NECAB1: variants seen among roughly 807,000 people sequenced by gnomAD.
NECAB1 encodes N-terminal EF-hand calcium-binding protein 1.
A neutral mutation model predicts 57.5 loss-of-function variants in NECAB1; 29 were observed. That is an observed-to-expected ratio of 0.50 (90% confidence interval 0.38 to 0.69). NECAB1 has a LOEUF of 0.69. NECAB1 is among the 30% of genes least tolerant of loss of function. NECAB1 has a pLI of 0.00. For missense variants in NECAB1, 372 were observed against 413.8 expected, an observed-to-expected ratio of 0.90 and a Z score of 0.88; for synonymous variants, 142 against 147.7, an observed-to-expected ratio of 0.96 and a Z score of 0.28.
intron 3 of NECAB1, among the ~76,000 whole-genome samples, chr8:90,853,895 G>C (rs1216603416): frequency 6.6e-6 from 1 of 151,246 alleles, no homozygotes; most frequent in Non-Finnish European, 1.5e-5. Context: ...TTATGTAGTG[G>C]GTAAGGAATG....
At chr8:90,822,877 T>A (rs79041309) in intron 2 of NECAB1, among the ~76,000 whole-genome samples, 8 of 149,440 alleles carry the variant, frequency 5.4e-5, no homozygotes, top group African/African-American at 1.8e-4. Context: ...TTTTTTTTTT[T>A]AAACAGTACA....
intron 6 of NECAB1, 42 bp downstream of exon 6, chr8:90,917,670 A>T (rs773444487): frequency 1.0e-5 from 16 of 1,530,588 alleles, no homozygotes; most frequent in African/African-American, 1.4e-5. Context: ...TAGTGACTCT[A>T]TGTTCATGAA....
intron 10 of NECAB1, among the ~76,000 whole-genome samples, chr8:90,944,120 G>T (rs982336037): frequency 6.6e-6 from 1 of 151,998 alleles, no homozygotes; most frequent in African/African-American, 2.4e-5. Context: ...GCTCAGATGG[G>T]TTAAAAAAAA....
chr8:90,815,533 C>T (rs922017216), intron 2 of NECAB1, among the ~76,000 whole-genome samples: 3 of 151,894 alleles, frequency 2.0e-5, no homozygotes, highest in Admixed American at 2.0e-4. Flanking sequence ...GTCCTCTGTT[C>T]TTGTCCTATT....
intron 1 of NECAB1, among the ~76,000 whole-genome samples, chr8:90,797,164 C>CTA (rs369837475): frequency 2.2e-3 from 328 of 152,294 alleles, no homozygotes; most frequent in African/African-American, 7.5e-3. Flanking sequence ...GCAATTAACT[C>CTA]TGGAGGAAAA....
intron 3 of NECAB1, among the ~76,000 whole-genome samples, chr8:90,869,222 T>C (rs560880817): frequency 2.0e-5 from 3 of 152,302 alleles, no homozygotes; most frequent in African/African-American, 7.2e-5. Context: ...CACTCAGAAG[T>C]CTGCTGCAGG....
At chr8:90,876,294 C>T (rs975193230) in intron 4 of NECAB1, among the ~76,000 whole-genome samples, 8 of 152,150 alleles carry the variant, frequency 5.3e-5, no homozygotes, top group East Asian at 2.0e-4. Flanking sequence ...GTTTGCGTGT[C>T]GCTTATCTGC....
At chr8:90,930,474 A>G (rs371611825) in intron 8 of NECAB1, among the ~76,000 whole-genome samples, 1 of 152,184 alleles carries the variant, frequency 6.6e-6, no homozygotes, top group African/African-American at 2.4e-5. Flanking sequence ...CTTAGGCAGA[A>G]ATACCTAGTT....
chr8:90,949,986 A>G, intron 11 of NECAB1, 102 bp downstream of exon 11: 1 of 630,388 alleles, frequency 1.6e-6, no homozygotes, highest in Non-Finnish European at 2.7e-6. Flanking sequence ...CTTTTACCTT[A>G]CCTTAAAACC....
At chr8:90,886,682 T>C (rs189560169) in intron 5 of NECAB1, among the ~76,000 whole-genome samples, 194 of 152,058 alleles carry the variant, frequency 1.3e-3, no homozygotes, top group African/African-American at 3.3e-3. Context: ...ACAGCACCTG[T>C]CTTGATTGTT....
intron 8 of NECAB1, among the ~76,000 whole-genome samples, chr8:90,930,651 A>G (rs956725515): frequency 6.6e-6 from 1 of 152,234 alleles, no homozygotes; most frequent in African/African-American, 2.4e-5. Context: ...TCCCTCTGCC[A>G]TGGTGCCTTT....
chr8:90,825,724 C>A (rs1246298413), intron 3 of NECAB1, among the ~76,000 whole-genome samples: 1 of 151,834 alleles, frequency 6.6e-6, no homozygotes, highest in African/African-American at 2.4e-5. Context: ...ATTAAATTCA[C>A]TTTACTCAAG....
At chr8:90,818,348 C>A (rs542200317) in intron 2 of NECAB1, among the ~76,000 whole-genome samples, 1 of 151,882 alleles carries the variant, frequency 6.6e-6, no homozygotes, top group Admixed American at 6.6e-5. Flanking sequence ...AATTATTTTT[C>A]TCTCTTTAGT....
chr8:90,944,527 G>A (rs775255640), intron 10 of NECAB1, among the ~76,000 whole-genome samples: 15 of 152,128 alleles, frequency 9.9e-5, no homozygotes, highest in South Asian at 2.1e-4. Flanking sequence ...ATTAATCCCC[G>A]TTTTTGTCAT....
At chr8:90,799,490 T>C (rs1009652543) in intron 1 of NECAB1, among the ~76,000 whole-genome samples, 2 of 152,184 alleles carry the variant, frequency 1.3e-5, no homozygotes, top group African/African-American at 2.4e-5. Flanking sequence ...TTGTCTATAG[T>C]ATTAGATAGT....
At chr8:90,944,051 C>T (rs1810739546) in intron 10 of NECAB1, among the ~76,000 whole-genome samples, 1 of 152,160 alleles carries the variant, frequency 6.6e-6, no homozygotes, top group African/African-American at 2.4e-5. Flanking sequence ...TGTGCCTATC[C>T]TCTTGTCTTC....
At chr8:90,798,964 GTGTT>G (rs1811715687) in intron 1 of NECAB1, among the ~76,000 whole-genome samples, 1 of 151,884 alleles carries the variant, frequency 6.6e-6, no homozygotes, top group African/African-American at 2.4e-5. Context: ...GAATGTGGTT[GTGTT>G]TTTTTTGACT....
intron 5 of NECAB1, among the ~76,000 whole-genome samples, chr8:90,906,623 C>G (rs1046325887): frequency 1.3e-5 from 2 of 151,972 alleles, no homozygotes; most frequent in Admixed American, 6.6e-5. Context: ...GTTGTACATT[C>G]AAATAATATT....
At chr8:90,859,749 G>A (rs1812861807) in intron 3 of NECAB1, among the ~76,000 whole-genome samples, 1 of 151,898 alleles carries the variant, frequency 6.6e-6, no homozygotes, top group African/African-American at 2.4e-5. Flanking sequence ...AAATTGAGCT[G>A]GTTTCAGCAC....
Sources: allele counts gnomAD v4.1 joint callset (sites outside exome capture counted in the v4.1 genomes callset), GRCh38; gene constraint gnomAD v4.1.1; transcripts MANE v1.5; gene names NCBI Gene and HGNC (gene_info 2026-07-23, HGNC 2026-07-21).